Variants in COL23A1 observed in about 807,000 individuals in gnomAD.
COL23A1 encodes collagen type XXIII alpha 1 chain.
Under a neutral mutation model 99.3 loss-of-function variants are expected in COL23A1, and 97 were observed. The observed-to-expected ratio is 0.98, with a 90% confidence interval of 0.83 to 1.16. The LOEUF (loss-of-function observed/expected upper bound fraction) is 1.16, where lower values mean the gene tolerates loss of function less well. COL23A1 is among the 50% of genes most tolerant of loss of function. The pLI is 0.00. For synonymous variants in COL23A1, 320 were observed against 308.2 expected, an observed-to-expected ratio of 1.04 and a Z score of -0.40; for missense variants, 762 against 757.4, an observed-to-expected ratio of 1.01 and a Z score of -0.07.
rs1758372590 is a variant in COL23A1 at position 178,306,643 on chromosome 5, G to C, written c.406+232C>G. Among the ~76,000 whole-genome samples the C allele has an allele frequency of 1.3e-5, 2 of 151,752 alleles. No homozygotes were observed. Among genetic ancestry groups the C allele is most frequent in the South Asian group, 4.2e-4 (2 of 4,800 alleles). ...CAACAACGAGGTTCGGGGGATGACT[G>C]GGGGCAGAGGGGACAGTCCTGGAAT... On this transcript the variant is annotated intron_variant, in intron 3 of 28. Transcript: ENST00000390654. The surrounding 1 kb of genome is among the most constrained non-coding windows in gnomAD (Gnocchi z 4.1).
intron 2 of COL23A1, among the ~76,000 whole-genome samples, chr5:178,478,340 G>A (rs914163561): frequency 2.0e-5 from 3 of 152,206 alleles, no homozygotes; most frequent in Non-Finnish European, 4.4e-5. Flanking sequence ...GGTTATCCGG[G>A]ACTAACTGGA....
chr5:178,500,772 C>A (rs1758484019), intron 2 of COL23A1, among the ~76,000 whole-genome samples: 1 of 151,856 alleles, frequency 6.6e-6, no homozygotes, highest in Admixed American at 6.6e-5. Context: ...ATGAGAGATT[C>A]TCTCTCTAAA....
intron 2 of COL23A1, among the ~76,000 whole-genome samples, chr5:178,325,333 C>CCCTGGCCAAGGCTCTT (rs11276551): frequency 5.3e-5 from 8 of 151,676 alleles, no homozygotes; most frequent in African/African-American, 1.7e-4. Flanking sequence ...GGACAGCGCT[C>CCCTGGCCAAGGCTCTT]CCTGGCCAGC....
At chr5:178,445,413 T>C (rs1487924064) in intron 2 of COL23A1, among the ~76,000 whole-genome samples, 1 of 152,220 alleles carries the variant, frequency 6.6e-6, no homozygotes, top group Admixed American at 6.5e-5. Flanking sequence ...CTCTCCCCTT[T>C]GAATTTTTCC....
In COL23A1 at chr5:178,584,039, T is replaced by G. The variant is rs141535586; in HGVS notation, c.294+5865A>C. 2.5e-3 allele frequency among the ~76,000 whole-genome samples: 375 copies of G among 152,218 alleles called. 5 individuals are homozygous for G. The highest frequency in any genetic ancestry group is 0.023 in the East Asian group (121 of 5,176). ...CACCATGCCCAGCTGATTATTATTT[T>G]TTTTGAGATGTACTCACCCAGGCTA... On this transcript the variant is annotated intron_variant, in intron 1 of 28. Coordinates refer to ENST00000390654, the MANE Select transcript of COL23A1 (RefSeq NM_173465.4).
chr5:178,541,167 T>C (rs1002106438), intron 2 of COL23A1, among the ~76,000 whole-genome samples: 5 of 151,790 alleles, frequency 3.3e-5, no homozygotes, highest in Admixed American at 3.3e-4. Flanking sequence ...AGCAAAAAGA[T>C]CCAAAAACAG....
intron 2 of COL23A1, among the ~76,000 whole-genome samples, chr5:178,318,301 G>A (rs1359812525): frequency 6.6e-6 from 1 of 152,226 alleles, no homozygotes; most frequent in East Asian, 1.9e-4. Flanking sequence ...GAGACTTAAA[G>A]GGAGAGGTAC....
At chr5:178,484,686 G>A (rs929632269) in intron 2 of COL23A1, among the ~76,000 whole-genome samples, 3 of 152,102 alleles carry the variant, frequency 2.0e-5, no homozygotes, top group Non-Finnish European at 4.4e-5. Flanking sequence ...GCCAGGCGTG[G>A]TGGTGGGTGC....
chr5:178,282,499 C>G (rs1202340108), intron 5 of COL23A1, among the ~76,000 whole-genome samples: 1 of 152,218 alleles, frequency 6.6e-6, no homozygotes, highest in Non-Finnish European at 1.5e-5. Context: ...CTGGCCCCGG[C>G]CCTGCTACTG....
At chr5:178,470,069 C>T (rs1454430620) in intron 2 of COL23A1, among the ~76,000 whole-genome samples, 3 of 152,244 alleles carry the variant, frequency 2.0e-5, no homozygotes, top group African/African-American at 7.2e-5. Context: ...TTCCAAAGTA[C>T]TCCATCATCT....
chr5:178,378,071 A>G (rs902945310), intron 2 of COL23A1: 2 of 152,302 alleles, frequency 1.3e-5, no homozygotes, highest in African/African-American at 2.4e-5. Flanking sequence ...ACCTCCCAGG[A>G]GAAGGGGACC....
At chr5:178,349,041 T>C (rs1336726285) in intron 2 of COL23A1, among the ~76,000 whole-genome samples, 19 of 151,800 alleles carry the variant, frequency 1.3e-4, no homozygotes, top group African/African-American at 4.6e-4. Context: ...ATTGTCTTCC[T>C]GCGTCTTGCC....
intron 22 of COL23A1, 31 bp downstream of exon 22, chr5:178,247,495 G>A (rs1273271326): frequency 6.2e-7 from 1 of 1,613,376 alleles, no homozygotes; most frequent in Non-Finnish European, 8.5e-7. Context: ...CGGTGAGTCT[G>A]AGGCCAGTAG....
intron 1 of COL23A1, among the ~76,000 whole-genome samples, chr5:178,575,333 C>A (rs970285629): frequency 7.9e-5 from 12 of 152,168 alleles, no homozygotes; most frequent in Admixed American, 7.9e-4. Flanking sequence ...ACTACAGCTT[C>A]GCTCGTGTAG....
In COL23A1 at chr5:178,242,055, T is replaced by C. The variant is rs200405006; in HGVS notation, c.1568A>G (p.Gln523Arg). 5 of 1,554,696 alleles carry C rather than the reference T, an allele frequency of 3.2e-6. No individual in the cohort carries two copies. Among genetic ancestry groups the C allele is most frequent in the Non-Finnish European group, 3.5e-6 (4 of 1,148,524 alleles). The change falls in exon 27 of 29, where the codon CAG (glutamine) becomes CGG (arginine). Residue 523 changes from glutamine (Q) to arginine (R), a missense_variant. Physicochemically the swap from Gln to Arg is conservative, Grantham distance 43. Coordinates refer to ENST00000390654, the MANE Select transcript of COL23A1 (RefSeq NM_173465.4). The stretch of plus-strand genomic sequence containing the variant: ...TCCGACACCTACCACGGGACACGGC[T>C]GGTCCAGGCCTGGTGGTCCCGGCTC... ...KGEPGPPGLD[Q>R]PCPVGPDGLP...
chr5:178,332,031 G>A (rs1468494554), intron 2 of COL23A1, among the ~76,000 whole-genome samples: 1 of 152,190 alleles, frequency 6.6e-6, no homozygotes. Context: ...CCTTCTCTCT[G>A]AGCTGGGCCT....
chr5:178,461,774 C>T lies in COL23A1; in HGVS notation c.361+98908G>A, dbSNP rs569011077. On this transcript the variant is annotated intron_variant, in intron 2 of 28. Coordinates refer to ENST00000390654, the MANE Select transcript of COL23A1 (RefSeq NM_173465.4). ...GCAAGCACACAACATGTTCTCCGTA[C>T]ATATTGAGGACACTGGTAGGGTTTT... Among the ~76,000 whole-genome samples, 167 of 152,302 alleles carry T rather than the reference C, an allele frequency of 1.1e-3. 1 individual carries two copies. The highest frequency in any genetic ancestry group is 3.5e-3 in the African/African-American group (147 of 41,550).
intron 2 of COL23A1, among the ~76,000 whole-genome samples, chr5:178,548,226 T>C (rs1761816388): frequency 6.6e-6 from 1 of 151,746 alleles, no homozygotes; most frequent in Admixed American, 6.6e-5. Flanking sequence ...AGAATCACTG[T>C]GACAAATGCC....
At chr5:178,466,908 C>G (rs1756452866) in intron 2 of COL23A1, among the ~76,000 whole-genome samples, 1 of 152,356 alleles carries the variant, frequency 6.6e-6, no homozygotes, top group African/African-American at 2.4e-5. Context: ...ATTTGTGTCC[C>G]TAGCCTAGCT....
Sources: gnomAD v4.1 joint callset for allele counts (sites outside exome capture counted in the v4.1 genomes callset) on GRCh38, gnomAD v4.1.1 for gene constraint, Gnocchi (gnomAD v3.1) non-coding constraint, MANE v1.5 for transcripts, NCBI Gene and HGNC (gene_info 2026-07-23, HGNC 2026-07-21) for gene names.